Variants in GALNTL6 observed in about 807,000 individuals in gnomAD.
The protein encoded by GALNTL6 is polypeptide N-acetylgalactosaminyltransferase like 6.
In GALNTL6, 46 loss-of-function variants were observed where a neutral mutation model predicts 73.7. That is an observed-to-expected ratio of 0.62 (90% CI 0.49 to 0.80). The LOEUF is 0.80. Among genes scored for constraint, GALNTL6 ranks in the 30% least tolerant of loss-of-function variants. The probability of loss-of-function intolerance (pLI) is 0.00; values close to 1 mark genes in which losing one functional copy is unlikely to be tolerated. For synonymous variants in GALNTL6, 259 were observed against 263.7 expected (o/e 0.98, Z 0.17); for missense variants, 604 against 755.0 (o/e 0.80, Z 2.34).
At chr4:171,957,523 T>G (rs1033951907) in intron 2 of GALNTL6, among the ~76,000 whole-genome samples, 1 of 152,196 alleles carries the variant, frequency 6.6e-6, no homozygotes, top group Non-Finnish European at 1.5e-5. Flanking sequence ...GAGGAGATGG[T>G]GTCACCTTCA....
chr4:172,451,748 G>T (rs1198687887), intron 5 of GALNTL6, among the ~76,000 whole-genome samples: 1 of 152,184 alleles, frequency 6.6e-6, no homozygotes, highest in African/African-American at 2.4e-5. Flanking sequence ...GCGCATGCCT[G>T]TAATCCCAGC....
At chr4:172,100,025 A>T (rs956358263) in intron 2 of GALNTL6, among the ~76,000 whole-genome samples, 1 of 152,124 alleles carries the variant, frequency 6.6e-6, no homozygotes, top group African/African-American at 2.4e-5. Flanking sequence ...CACAAAGGAG[A>T]TACTATATTA....
intron 5 of GALNTL6, among the ~76,000 whole-genome samples, chr4:172,461,510 C>T (rs1002427594): frequency 2.0e-5 from 3 of 152,180 alleles, no homozygotes; most frequent in Admixed American, 6.5e-5. Flanking sequence ...GAGTTTTCTA[C>T]TGCTTCTTGT....
intron 2 of GALNTL6, among the ~76,000 whole-genome samples, chr4:172,056,414 G>A (rs1427778137): frequency 6.6e-6 from 1 of 151,896 alleles, no homozygotes; most frequent in Non-Finnish European, 1.5e-5. Context: ...CTTTTTTGCT[G>A]CTACAAACAA....
chr4:172,350,891 A>T (rs1741917760), intron 5 of GALNTL6, among the ~76,000 whole-genome samples: 1 of 152,130 alleles, frequency 6.6e-6, no homozygotes, highest in African/African-American at 2.4e-5. Flanking sequence ...TAATGTAATG[A>T]ACACAGGTCA....
intron 5 of GALNTL6, among the ~76,000 whole-genome samples, chr4:172,439,006 C>T (rs1039222034): frequency 3.3e-5 from 5 of 151,972 alleles, no homozygotes; most frequent in Non-Finnish European, 5.9e-5. Flanking sequence ...CTTTACCTCT[C>T]GAGGACACTA....
At chr4:172,193,585 G>A (rs1424530990) in intron 2 of GALNTL6, among the ~76,000 whole-genome samples, 4 of 152,124 alleles carry the variant, frequency 2.6e-5, no homozygotes, top group South Asian at 2.1e-4. Flanking sequence ...ATAATTGGCC[G>A]GGCGTGGTGG....
At chr4:172,155,145 CT>C (rs1412055132) in intron 2 of GALNTL6, among the ~76,000 whole-genome samples, 6 of 152,050 alleles carry the variant, frequency 3.9e-5, no homozygotes, top group Admixed American at 1.3e-4. Flanking sequence ...TTACAGGAGC[CT>C]GCCACCACGC....
intron 5 of GALNTL6, among the ~76,000 whole-genome samples, chr4:172,763,545 G>A (rs1358030643): frequency 1.3e-5 from 2 of 152,116 alleles, no homozygotes; most frequent in Non-Finnish European, 2.9e-5. Context: ...CAATTACAAT[G>A]AACTAAGTAG....
chr4:172,900,830 G>A (rs986174240), intron 8 of GALNTL6, among the ~76,000 whole-genome samples: 2 of 152,070 alleles, frequency 1.3e-5, no homozygotes, highest in Non-Finnish European at 2.9e-5. Context: ...TAATAAACTG[G>A]TTGGTGGATA....
intron 2 of GALNTL6, among the ~76,000 whole-genome samples, chr4:171,861,639 T>A (rs937391815): frequency 6.6e-6 from 1 of 152,168 alleles, no homozygotes; most frequent in African/African-American, 2.4e-5. Flanking sequence ...CCACTCCCAC[T>A]AAGTCTAAAA....
chr4:172,454,337 C>T (rs564437661), intron 5 of GALNTL6, among the ~76,000 whole-genome samples: 1 of 152,330 alleles, frequency 6.6e-6, no homozygotes, highest in Admixed American at 6.5e-5. Context: ...TAAAGATGGT[C>T]TTTCTTCTAA....
At chr4:172,418,013 A>G (rs1245619972) in intron 5 of GALNTL6, among the ~76,000 whole-genome samples, 1 of 152,046 alleles carries the variant, frequency 6.6e-6, no homozygotes, top group African/African-American at 2.4e-5. Flanking sequence ...GCTTCACCCC[A>G]CTAAGCGTCA....
intron 2 of GALNTL6, among the ~76,000 whole-genome samples, chr4:172,161,930 A>G (rs763855098): frequency 1.3e-5 from 2 of 152,054 alleles, no homozygotes; most frequent in Non-Finnish European, 2.9e-5. Context: ...ACTCATGACT[A>G]ATTCAAGGAG....
intron 2 of GALNTL6, among the ~76,000 whole-genome samples, chr4:172,015,486 A>AT (rs1323065941): frequency 1.3e-5 from 2 of 151,922 alleles, no homozygotes; most frequent in African/African-American, 4.8e-5. Context: ...TGGTTGATGG[A>AT]TTTTTATCCA....
intron 5 of GALNTL6, among the ~76,000 whole-genome samples, chr4:172,396,316 CT>C (rs10715891): frequency 0.97 from 133,925 of 137,590 alleles, 65,173 homozygotes; most frequent in South Asian, 0.99. Flanking sequence ...CTTTTTTTTT[CT>C]TTTTTTTTTT....
In GALNTL6 at chr4:172,841,009, G is replaced by A. The variant is rs143246329; in HGVS notation, c.923+27286G>A. Among the ~76,000 whole-genome samples, 186 of 152,260 alleles carry A rather than the reference G, an allele frequency of 1.2e-3. 1 individual carries two copies. Among genetic ancestry groups the A allele is most frequent in the African/African-American group, 3.9e-3 (160 of 41,552 alleles). Reference sequence around the variant, plus strand: ...GTGCATGAATCTCAATTCTCTGCCTGCTCAATCCTGCCTCCTCCACCATTC... The same window carrying A: ...GTGCATGAATCTCAATTCTCTGCCTACTCAATCCTGCCTCCTCCACCATTC... On this transcript the variant is annotated intron_variant, in intron 7 of 12. Coordinates refer to ENST00000506823, the MANE Select transcript of GALNTL6 (RefSeq NM_001034845.3).
chr4:172,399,304 A>G (rs1036804675), intron 5 of GALNTL6, among the ~76,000 whole-genome samples: 2 of 152,092 alleles, frequency 1.3e-5, no homozygotes, highest in African/African-American at 4.8e-5. Flanking sequence ...AAAATATTGC[A>G]TAAATTTTTA....
rs548998213 is a variant in GALNTL6 at position 172,326,624 on chromosome 4, C to T, written c.386+14872C>T. ...TAAGTTTATTGGAGGAAGGAGGTGG[C>T]GATCTGGCAATCTCTGCCTTTATGA... On this transcript the variant is annotated intron_variant, in intron 4 of 12. Transcript: ENST00000506823. Among the ~76,000 whole-genome samples the T allele has an allele frequency of 2.8e-4, 43 of 151,950 alleles. No homozygotes were observed. In the South Asian group the frequency reaches 7.9e-3, roughly 28 times the overall value.
Sources: allele counts gnomAD v4.1 joint callset (sites outside exome capture counted in the v4.1 genomes callset), GRCh38; gene constraint gnomAD v4.1.1; transcripts MANE v1.5; gene names NCBI Gene and HGNC (gene_info 2026-07-23, HGNC 2026-07-21).